TPST1: variants seen among roughly 807,000 people sequenced by gnomAD.
TPST1 encodes tyrosylprotein sulfotransferase 1, also known as protein-tyrosine sulfotransferase 1.
Under a neutral mutation model 34.8 loss-of-function variants are expected in TPST1, and 20 were observed. The ratio of observed to expected loss-of-function variants is 0.57; its 90% CI spans 0.40 to 0.84. TPST1 has a LOEUF of 0.84. Among genes scored for constraint, TPST1 ranks in the 40% least tolerant of loss-of-function variants. The probability of loss-of-function intolerance (pLI) is 0.00; values close to 1 mark genes in which losing one functional copy is unlikely to be tolerated. For missense variants in TPST1, 353 were observed against 455.5 expected (o/e 0.78, Z 2.05); for synonymous variants, 152 against 159.4 (o/e 0.95, Z 0.35).
intron 3 of TPST1, among the ~76,000 whole-genome samples, chr7:66,287,100 C>T (rs1305092354): frequency 1.5e-5 from 2 of 137,726 alleles, no homozygotes; most frequent in Admixed American, 7.5e-5. Flanking sequence ...TGAGAATATG[C>T]GGTGTTTGGT....
chr7:66,213,412 T>G (rs767184638), intron 1 of TPST1, among the ~76,000 whole-genome samples: 1 of 152,176 alleles, frequency 6.6e-6, no homozygotes, highest in Non-Finnish European at 1.5e-5. Context: ...TCTACTTCTT[T>G]GGTGAGATTT....
At chr7:66,222,644 A>G (rs895692105) in intron 1 of TPST1, among the ~76,000 whole-genome samples, 17 of 152,258 alleles carry the variant, frequency 1.1e-4, no homozygotes, top group Middle Eastern at 3.4e-3. Context: ...AGAAAGCGGC[A>G]TGGTACTGGA....
chr7:66,236,250 G>A (rs1299385471), intron 1 of TPST1, among the ~76,000 whole-genome samples: 4 of 151,900 alleles, frequency 2.6e-5, no homozygotes, highest in African/African-American at 9.7e-5. Flanking sequence ...AGATTTTATA[G>A]GGTTGTACAA....
intron 2 of TPST1, among the ~76,000 whole-genome samples, chr7:66,248,572 C>A: frequency 7.0e-6 from 1 of 141,944 alleles, no homozygotes. Context: ...GGCATGATCT[C>A]GGCTCACTGC....
At chr7:66,327,125 A>C (rs1043841397) in intron 3 of TPST1, among the ~76,000 whole-genome samples, 5 of 152,202 alleles carry the variant, frequency 3.3e-5, no homozygotes, top group Non-Finnish European at 7.3e-5. Flanking sequence ...TTTTCTCTGC[A>C]TGTGAAACTA....
In TPST1 at chr7:66,296,258, T is replaced by G. The variant is rs1054832030; in HGVS notation, c.1044+9549T>G. 1.8e-3 allele frequency among the ~76,000 whole-genome samples: 23 copies of G among 12,454 alleles called. No homozygotes were observed. In the East Asian group the frequency reaches 0.022, roughly 12 times the overall value. The allele number at this position is 12,454 out of a possible 152,430, so 8.2% of individuals were successfully genotyped here. ...AAAACACCCACCCTTCCCCCCCCCC[T>G]CCCCCACCGTCTCTGCCTATCTTTA... is the stretch of plus-strand genomic sequence containing the variant. On this transcript the variant is annotated intron_variant, in intron 3 of 5. Transcript: ENST00000304842.
rs765633585 is a variant in TPST1 at position 66,241,178 on chromosome 7, A to G, written c.753A>G (p.Arg251=). Residue 251 remains arginine, a synonymous_variant, in exon 2 of 6, where the codon AGA becomes AGG. Transcript: ENST00000304842. Reference sequence around the variant, plus strand: ...TCTTACATCCTGAACGGTGGATGAGAACACTCTTAAAGTTCCTCCAGATTC... The same window carrying G: ...TCTTACATCCTGAACGGTGGATGAGGACACTCTTAAAGTTCCTCCAGATTC... The part of the protein sequence containing the change: ...QLVLHPERWM[R]TLLKFLQIPW... 8.7e-6 allele frequency: 14 copies of G among 1,614,164 alleles called. No homozygotes were observed. The East Asian group carries it at 2.9e-4, about 33-fold the overall frequency.
intron 1 of TPST1, among the ~76,000 whole-genome samples, chr7:66,208,141 C>T (rs1426895007): frequency 6.6e-6 from 1 of 152,176 alleles, no homozygotes; most frequent in Non-Finnish European, 1.5e-5. Context: ...TAAAAATTCT[C>T]ATCAGCTCCC....
At chr7:66,231,021 G>A (rs574492148) in intron 1 of TPST1, among the ~76,000 whole-genome samples, 43 of 152,068 alleles carry the variant, frequency 2.8e-4, no homozygotes, top group Non-Finnish European at 5.6e-4. Flanking sequence ...GTGCTGATTG[G>A]TGCGTTTACA....
the TPST1 span, among the ~76,000 whole-genome samples, chr7:66,199,294 C>CTTTTT: frequency 3.8e-4 from 48 of 125,846 alleles, 1 homozygote; most frequent in African/African-American, 6.1e-4. Flanking sequence ...TCATCTCCTT[C>CTTTTT]TTTTTTTTTT....
chr7:66,246,620 T>G (rs1790155276), intron 2 of TPST1, among the ~76,000 whole-genome samples: 1 of 152,232 alleles, frequency 6.6e-6, no homozygotes. Flanking sequence ...TAGATTTCTC[T>G]ACAAATAGTA....
chr7:66,264,895 TAAACAAAAC>T (rs1251039903), intron 2 of TPST1, among the ~76,000 whole-genome samples: 1 of 152,000 alleles, frequency 6.6e-6, no homozygotes, highest in African/African-American at 2.4e-5. Context: ...AACCATATCT[TAAACAAAAC>T]AAAACAAAAC....
At chr7:66,347,089 A>C (rs1363105010) in intron 3 of TPST1, among the ~76,000 whole-genome samples, 1 of 18,842 alleles carries the variant, frequency 5.3e-5, no homozygotes, top group African/African-American at 3.2e-4. Flanking sequence ...TTTTTTTGAG[A>C]CAGGGTCTCA....
chr7:66,317,796 A>T (rs963117572), intron 3 of TPST1, among the ~76,000 whole-genome samples: 6 of 152,168 alleles, frequency 3.9e-5, no homozygotes, highest in East Asian at 3.9e-4. Flanking sequence ...GCATGATTTT[A>T]AAAAAATTCC....
intron 3 of TPST1, among the ~76,000 whole-genome samples, chr7:66,325,410 TG>T (rs1419807448): frequency 6.6e-6 from 1 of 152,178 alleles, no homozygotes; most frequent in Non-Finnish European, 1.5e-5. Context: ...ATTTTTTCGT[TG>T]TTCCCTCATG....
intron 2 of TPST1, among the ~76,000 whole-genome samples, chr7:66,253,498 A>T (rs1024221537): frequency 6.6e-6 from 1 of 151,182 alleles, no homozygotes; most frequent in African/African-American, 2.4e-5. Context: ...AATTCTCCCG[A>T]GTAGCTGGGA....
In TPST1 at chr7:66,240,581, A is replaced by G; in HGVS notation, c.156A>G (p.Arg52=). 1 of 1,614,198 alleles carries G rather than the reference A, an allele frequency of 6.2e-7. No individual in the cohort carries two copies. Among genetic ancestry groups the G allele is most frequent in the South Asian group, 1.1e-5 (1 of 91,082 alleles). ...TGGAGAGCACAAGGACCACTGTGAG[A>G]ACTGGCCTGGACCTCAAAGCCAACA... ...VKLESTRTTV[R]TGLDLKANKT... The change falls in exon 2 of 6, where the codon AGA becomes AGG. Residue 52 remains arginine (R), a synonymous_variant. Transcript: ENST00000304842.
chr7:66,243,610 ATTTTT>A (rs10627680), intron 2 of TPST1, among the ~76,000 whole-genome samples: 1 of 123,376 alleles, frequency 8.1e-6, no homozygotes, highest in Non-Finnish European at 1.6e-5. Context: ...TGCCCAGCTA[ATTTTT>A]TTTTTTTTTT....
At chr7:66,348,388 GAATAAT>G (rs1168874859) in intron 3 of TPST1, among the ~76,000 whole-genome samples, 1 of 152,160 alleles carries the variant, frequency 6.6e-6, no homozygotes, top group Admixed American at 6.5e-5. Flanking sequence ...TGTTAAAAGA[GAATAAT>G]ACCTCCTCAG....
Sources: gnomAD v4.1 joint callset for allele counts (sites outside exome capture counted in the v4.1 genomes callset) on GRCh38, gnomAD v4.1.1 for gene constraint, MANE v1.5 for transcripts, NCBI Gene and HGNC (gene_info 2026-07-23, HGNC 2026-07-21) for gene names.